Variants in TEX2 observed in about 807,000 individuals in gnomAD.
The protein encoded by TEX2 is testis-expressed protein 2.
Under a neutral mutation model 106.9 loss-of-function variants are expected in TEX2, and 53 were observed. The ratio of observed to expected loss-of-function variants is 0.50; its 90% CI spans 0.40 to 0.62. The LOEUF is 0.62. Among genes scored for constraint, TEX2 ranks in the 20% least tolerant of loss-of-function variants. TEX2 has a pLI of 0.00. For missense variants in TEX2, 1,207 were observed against 1,379.0 expected (o/e 0.88, Z 1.98); for synonymous variants, 523 against 534.8 (o/e 0.98, Z 0.30).
intron 1 of TEX2, among the ~76,000 whole-genome samples, chr17:64,240,393 G>C (rs1381270177): frequency 6.6e-6 from 1 of 152,202 alleles, no homozygotes. Flanking sequence ...TGGGCAAGGT[G>C]ACTGAGGGGA....
In TEX2 at chr17:64,195,176, T is replaced by C. The variant is rs1463992397; in HGVS notation, c.1645-81A>G. 2 of 1,373,240 alleles carry C rather than the reference T, an allele frequency of 1.5e-6. No individual in the cohort carries two copies. The highest frequency in any genetic ancestry group is 2.9e-5 in the African/African-American group (2 of 69,570). 85.1% of individuals were successfully genotyped at this position (1,373,240 alleles called of 1,614,324 possible). A position where few individuals can be genotyped will look rare whatever the true frequency, so the allele number is the denominator to read the frequency against. On this transcript the variant is annotated intron_variant, in intron 2 of 11. Transcript: ENST00000584379. The surrounding 1 kb of genome is among the most constrained non-coding windows in gnomAD (Gnocchi z 4.1). ...TGTGAAATGATGAACACTGTGGTAT[T>C]TGGGACACTGAAACCAAACTTGATC...
intron 1 of TEX2, among the ~76,000 whole-genome samples, chr17:64,239,957 G>A (rs1003218464): frequency 6.7e-6 from 1 of 148,960 alleles, no homozygotes; most frequent in Non-Finnish European, 1.5e-5. Flanking sequence ...TCCTTACCAG[G>A]CCACAAAAGG....
chr17:64,159,459 G>A (rs2030785152), intron 8 of TEX2, among the ~76,000 whole-genome samples: 1 of 152,154 alleles, frequency 6.6e-6, no homozygotes, highest in Admixed American at 6.5e-5. Context: ...AGTCTGACTA[G>A]ATCAGGACTC....
rs2032158626 is a variant in TEX2, at chr17:64,188,329, T to C, written c.2263A>G (p.Ile755Val). 6.2e-7 allele frequency: 1 copy of C among 1,614,182 alleles called. No individual in the cohort carries two copies. Among genetic ancestry groups the C allele is most frequent in the Non-Finnish European group, 8.5e-7 (1 of 1,180,032 alleles). Residue 755 changes from isoleucine (I) to valine (V), a missense_variant, in exon 5 of 12, where the codon ATC (isoleucine) becomes GTC (valine). Physicochemically the swap from Ile to Val is conservative, Grantham distance 29. Coordinates refer to ENST00000584379, the MANE Select transcript of TEX2 (RefSeq NM_001288732.2). ...RSSSKGSVEEIMSQPKQKELA... is the reference protein window; with the variant it reads ...RSSSKGSVEEVMSQPKQKELA... ...TCCTTCTGCTTTGGCTGTGACATGA[T>C]CTCCTCCACACTGCCTTTGCTGCTG...
In TEX2 at chr17:64,212,789, C is replaced by G. The variant is rs1555631770; in HGVS notation, c.1429G>C (p.Gly477Arg). Residue 477 changes from glycine to arginine, a missense_variant, in exon 2 of 12, where the codon GGC becomes CGC. Physicochemically the swap from Gly to Arg is moderately radical, Grantham distance 125. Around this residue, in one of 3 missense-constraint regions of TEX2, gnomAD observed 1,067 missense variants for 1,193.6 expected, o/e 0.89. Transcript: ENST00000584379. The stretch of plus-strand genomic sequence containing the variant: ...ACATAGACACACATTATAAAGAAGC[C>G]CAACGTCTTCACTGGCAATTCCGGG... Reference protein sequence around the residue: ...QHPELPVKTLGFFIMCVYVYL... With the variant: ...QHPELPVKTLRFFIMCVYVYL... 6.2e-7 allele frequency: 1 copy of G among 1,614,038 alleles called. No individual in the cohort carries two copies.
At chr17:64,242,949 G>A (rs2033915877) in intron 1 of TEX2, among the ~76,000 whole-genome samples, 1 of 149,142 alleles carries the variant, frequency 6.7e-6, no homozygotes, top group Non-Finnish European at 1.5e-5. Context: ...TTTTTTTTGA[G>A]ATGGAGTCTT....
chr17:64,213,741 A>G lies in TEX2; in HGVS notation c.477T>C (p.Ser159=). Residue 159 remains serine, a synonymous_variant, in exon 2 of 12, where the codon AGT becomes AGC. Transcript: ENST00000584379. This position sits in a 1 kb window ranked among gnomAD's most constrained non-coding sequence, Gnocchi z 4.4. Reference sequence around the variant, plus strand: ...AAGGAGAGGACAATGGGGAGGAAGAACTGGTTTTCTGCTCAGAAAGGGATG... The same window carrying G: ...AAGGAGAGGACAATGGGGAGGAAGAGCTGGTTTTCTGCTCAGAAAGGGATG... ...SVSSLSEQKT[S]SSSPLSSPSK... is the part of the protein sequence containing the mutation. 1 of 1,614,150 alleles carries G rather than the reference A, an allele frequency of 6.2e-7. No individual in the cohort carries two copies. The highest frequency in any genetic ancestry group is 8.5e-7 in the Non-Finnish European group (1 of 1,180,024).
At chr17:64,238,084 G>A (rs139502402) in intron 1 of TEX2, among the ~76,000 whole-genome samples, 4,810 of 152,232 alleles carry the variant, frequency 0.032, 125 homozygotes, top group South Asian at 0.1. Flanking sequence ...GGAGAATCAC[G>A]ATGTCAGGAG....
intron 2 of TEX2, among the ~76,000 whole-genome samples, chr17:64,203,587 C>T (rs1046150753): frequency 3.3e-5 from 5 of 151,968 alleles, no homozygotes; most frequent in African/African-American, 4.8e-5. Context: ...GGGGTGGGAC[C>T]GTCTAATAAA....
At chr17:64,244,409 G>T (rs774630149) in intron 1 of TEX2, among the ~76,000 whole-genome samples, 22 of 152,062 alleles carry the variant, frequency 1.4e-4, no homozygotes, top group Non-Finnish European at 2.6e-4. Flanking sequence ...AATTTGCCTC[G>T]CACTCATGGA....
chr17:64,190,451 T>C (rs926192713), intron 4 of TEX2, among the ~76,000 whole-genome samples: 2 of 152,006 alleles, frequency 1.3e-5, no homozygotes, highest in African/African-American at 4.8e-5. Flanking sequence ...ACCAAACTGA[T>C]CCCATTGTGA....
At position 64,153,546 on chromosome 17, in the gene TEX2, A is replaced by G. The variant is rs1255004667; in HGVS notation, c.2931-392T>C. Among the ~76,000 whole-genome samples, 4 of 151,994 alleles carry G rather than the reference A, an allele frequency of 2.6e-5. No homozygotes were observed. Among genetic ancestry groups the G allele is most frequent in the African/African-American group, 9.7e-5 (4 of 41,372 alleles). ...TTTCTCACCTGTCCTCCTTTATACT[A>G]CTCCAATACCAGACAGAAATCCAAT... On this transcript the variant is annotated intron_variant, in intron 9 of 11. Coordinates refer to ENST00000584379, the MANE Select transcript of TEX2 (RefSeq NM_001288732.2). The surrounding 1 kb of genome is among the most constrained non-coding windows in gnomAD (Gnocchi z 4.1).
Position 64,217,881 on chromosome 17 carries a change from T to G in TEX2, c.-25-3639A>C, listed in dbSNP as rs1470438479. 6.6e-6 allele frequency among the ~76,000 whole-genome samples: 1 copy of G among 152,124 alleles called. No individual in the cohort carries two copies. The highest frequency in any genetic ancestry group is 6.5e-5 in the Admixed American group (1 of 15,268). On this transcript the variant is annotated intron_variant, in intron 1 of 11. Transcript: ENST00000584379. This position sits in a 1 kb window ranked among gnomAD's most constrained non-coding sequence, Gnocchi z 4.3. The stretch of plus-strand genomic sequence containing the variant: ...TGTTGTCGCCAGGCTCCCATAGGTA[T>G]GATTTCGTGCTGGAGAGGTGTTTAA...
At chr17:64,190,033 C>T (rs1471074284) in intron 4 of TEX2, among the ~76,000 whole-genome samples, 1 of 151,416 alleles carries the variant, frequency 6.6e-6, no homozygotes, top group African/African-American at 2.4e-5. Flanking sequence ...AAAATCAAAT[C>T]AAACCATTTT....
At chr17:64,246,227 G>A (rs1298114231) in intron 1 of TEX2, among the ~76,000 whole-genome samples, 1 of 152,224 alleles carries the variant, frequency 6.6e-6, no homozygotes, top group Non-Finnish European at 1.5e-5. Context: ...GGGATCTGCT[G>A]CAATCATGCA....
chr17:64,226,379 C>T (rs2033505480), intron 1 of TEX2, among the ~76,000 whole-genome samples: 1 of 152,158 alleles, frequency 6.6e-6, no homozygotes, highest in South Asian at 2.1e-4. Flanking sequence ...GTACTTTTCA[C>T]CAATCATTTC....
intron 7 of TEX2, among the ~76,000 whole-genome samples, chr17:64,162,502 T>C (rs1277699473): frequency 2.0e-5 from 3 of 152,232 alleles, no homozygotes; most frequent in African/African-American, 7.2e-5. Context: ...ATATTAATAG[T>C]ATGCGTTGCC....
chr17:64,222,614 A>G (rs1370132997), intron 1 of TEX2, among the ~76,000 whole-genome samples: 3 of 152,034 alleles, frequency 2.0e-5, no homozygotes, highest in African/African-American at 7.2e-5. Context: ...CAGGAGACCC[A>G]TCACTATTTT....
intron 7 of TEX2, among the ~76,000 whole-genome samples, chr17:64,163,274 G>A (rs552243198): frequency 3.3e-5 from 5 of 152,116 alleles, no homozygotes; most frequent in African/African-American, 7.2e-5. Context: ...ACAGGGGTCC[G>A]CCACCATGCC....
Sources: gnomAD v4.1 joint callset for allele counts (sites outside exome capture counted in the v4.1 genomes callset) on GRCh38, gnomAD v4.1.1 for gene constraint, gnomAD v4.1.1 regional missense constraint, Gnocchi (gnomAD v3.1) non-coding constraint, MANE v1.5 for transcripts, NCBI Gene and HGNC (gene_info 2026-07-23, HGNC 2026-07-21) for gene names.